KIAA1217: variants seen among roughly 807,000 people sequenced by gnomAD.
KIAA1217 encodes KIAA1217.
In KIAA1217, 88 loss-of-function variants were observed where a neutral mutation model predicts 163.9. The observed-to-expected ratio is 0.54, with a 90% CI of 0.45 to 0.64. The LOEUF (loss-of-function observed/expected upper bound fraction) is 0.64, where lower values mean the gene tolerates loss of function less well. KIAA1217 is among the 30% of genes least tolerant of loss of function. The pLI, the probability that KIAA1217 is intolerant of heterozygous loss-of-function variation, is 0.00. For synonymous variants in KIAA1217, 903 were observed against 923.1 expected, an observed-to-expected ratio of 0.98 and a Z score of 0.39; for missense variants, 2,372 against 2,475.0, an observed-to-expected ratio of 0.96 and a Z score of 0.88.
chr10:24,264,349 A>G (rs1341248145), intron 2 of KIAA1217, among the ~76,000 whole-genome samples: 1 of 152,210 alleles, frequency 6.6e-6, no homozygotes, highest in Non-Finnish European at 1.5e-5. Flanking sequence ...ATGCATTTAA[A>G]AAAGAGCTGC....
chr10:24,391,911 G>GA (rs2055039962), intron 3 of KIAA1217, among the ~76,000 whole-genome samples: 1 of 152,106 alleles, frequency 6.6e-6, no homozygotes, highest in African/African-American at 2.4e-5. Context: ...TTGTTTTCCT[G>GA]ATGCGAAAAA....
chr10:24,274,516 C>T (rs948011385), intron 2 of KIAA1217, among the ~76,000 whole-genome samples: 5 of 152,158 alleles, frequency 3.3e-5, no homozygotes, highest in African/African-American at 9.7e-5. Flanking sequence ...CCTACAAGTC[C>T]TATTTTACAT....
chr10:24,254,793 C>T (rs189945291), intron 2 of KIAA1217, among the ~76,000 whole-genome samples: 4 of 151,958 alleles, frequency 2.6e-5, no homozygotes, highest in Admixed American at 2.0e-4. Context: ...TATATGTGAA[C>T]ATTAACTGCC....
chr10:24,375,931 G>T (rs2052421578), intron 2 of KIAA1217, among the ~76,000 whole-genome samples: 1 of 152,128 alleles, frequency 6.6e-6, no homozygotes, highest in Admixed American at 6.5e-5. Flanking sequence ...AGGGTTTAAG[G>T]GTCTGAAAAC....
At chr10:24,137,270 C>G (rs2063868837) in intron 2 of KIAA1217, among the ~76,000 whole-genome samples, 1 of 152,176 alleles carries the variant, frequency 6.6e-6, no homozygotes, top group African/African-American at 2.4e-5. Context: ...TTCCCCCTGC[C>G]CCAGGCAGCC....
intron 2 of KIAA1217, among the ~76,000 whole-genome samples, chr10:24,066,802 T>C (rs1169150640): frequency 1.3e-5 from 2 of 152,198 alleles, no homozygotes; most frequent in African/African-American, 4.8e-5. Context: ...GATTTCGTCT[T>C]TCCACATAGT....
intron 1 of KIAA1217, among the ~76,000 whole-genome samples, chr10:23,991,337 C>T (rs904497403): frequency 1.3e-5 from 2 of 152,156 alleles, no homozygotes; most frequent in African/African-American, 2.4e-5. Flanking sequence ...TCTTTTTTCA[C>T]GTAGCCCATC....
At chr10:23,882,533 A>G (rs1840996201) in intron 1 of KIAA1217, among the ~76,000 whole-genome samples, 1 of 151,924 alleles carries the variant, frequency 6.6e-6, no homozygotes, top group East Asian at 1.9e-4. Flanking sequence ...TGTTTGAAAT[A>G]GCACCTGGGA....
intron 1 of KIAA1217, among the ~76,000 whole-genome samples, chr10:23,704,146 A>ATGTATGTGTGTGTGTGTGTGTG (rs1400240204): frequency 3.1e-5 from 2 of 64,878 alleles, no homozygotes; most frequent in African/African-American, 1.7e-4. Context: ...GTGTGTGTGT[A>ATGTATGTGTGTGTGTGTGTGTG]TGTGTGTGTG....
intron 1 of KIAA1217, among the ~76,000 whole-genome samples, chr10:23,775,580 T>C (rs534980188): frequency 6.6e-6 from 1 of 152,330 alleles, no homozygotes; most frequent in African/African-American, 2.4e-5. Flanking sequence ...TGTTGTAGCA[T>C]GTGAGAGTGG....
chr10:24,476,826 A>G (rs538465232), intron 6 of KIAA1217, among the ~76,000 whole-genome samples: 120 of 152,122 alleles, frequency 7.9e-4, no homozygotes, highest in Non-Finnish European at 1.5e-3. Context: ...AGACACACAG[A>G]GACACACACA....
At chr10:24,319,811 G>A (rs1054794161) in intron 2 of KIAA1217, among the ~76,000 whole-genome samples, 1 of 152,222 alleles carries the variant, frequency 6.6e-6, no homozygotes, top group Admixed American at 6.5e-5. Context: ...TAACAAGCCA[G>A]CATTAAATCC....
intron 1 of KIAA1217, among the ~76,000 whole-genome samples, chr10:23,882,423 T>G (rs75830436): frequency 0.019 from 2,918 of 151,904 alleles, 95 homozygotes; most frequent in African/African-American, 0.064. Flanking sequence ...GAGGAAAGAA[T>G]TGAAGGGGAA....
At chr10:24,495,256 T>A in intron 8 of KIAA1217, 60 bp downstream of exon 8, 2 of 1,378,846 alleles carry the variant, frequency 1.5e-6, no homozygotes, top group South Asian at 1.2e-5. Flanking sequence ...GAGCCCTGGC[T>A]GGTCTCAGAA....
In KIAA1217 at chr10:24,308,764, G is replaced by A. The variant is rs149835687; in HGVS notation, c.355-72105G>A. Among the ~76,000 whole-genome samples, 11 of 152,110 alleles carry A rather than the reference G, an allele frequency of 7.2e-5. No individual in the cohort carries two copies. In the East Asian group the frequency reaches 1.2e-3, roughly 16 times the overall value. ...GTCAGCTGATGTCCATGACCCCTTC[G>A]TTTCCTGTGTCCCTTCTACTTGATG... is the stretch of plus-strand genomic sequence containing the variant. On this transcript the variant is annotated intron_variant, in intron 2 of 20. Coordinates refer to ENST00000376454, the MANE Select transcript of KIAA1217 (RefSeq NM_019590.5).
chr10:24,265,549 A>T (rs1227206578), intron 2 of KIAA1217, among the ~76,000 whole-genome samples: 1 of 152,158 alleles, frequency 6.6e-6, no homozygotes, highest in Non-Finnish European at 1.5e-5. Context: ...CAGAGTTGGA[A>T]GAGTCAAGGG....
intron 2 of KIAA1217, among the ~76,000 whole-genome samples, chr10:24,231,054 C>T (rs1362970184): frequency 1.3e-5 from 2 of 152,172 alleles, no homozygotes; most frequent in African/African-American, 2.4e-5. Flanking sequence ...CAGTCTGCCT[C>T]GTGTCAGTAA....
intron 3 of KIAA1217, among the ~76,000 whole-genome samples, chr10:24,398,513 G>A (rs1591605023): frequency 1.3e-5 from 2 of 152,110 alleles, no homozygotes; most frequent in Non-Finnish European, 2.9e-5. Flanking sequence ...AAGAAACCAA[G>A]GCAAGTTTCA....
intron 2 of KIAA1217, among the ~76,000 whole-genome samples, chr10:24,252,047 A>G (rs1465799372): frequency 3.3e-5 from 5 of 151,986 alleles, no homozygotes; most frequent in African/African-American, 9.7e-5. Context: ...ATCAGTTTCT[A>G]TCTAGTCAAT....
Sources: allele counts gnomAD v4.1 joint callset (sites outside exome capture counted in the v4.1 genomes callset), GRCh38; gene constraint gnomAD v4.1.1; transcripts MANE v1.5; gene names NCBI Gene and HGNC (gene_info 2026-07-23, HGNC 2026-07-21).